The following CHRM3 variants were observed in gnomAD, a reference collection of about 807,000 sequenced individuals.
The protein encoded by CHRM3 is cholinergic receptor muscarinic 3.
Under a neutral mutation model 41.8 loss-of-function variants are expected in CHRM3, and 11 were observed. The ratio of observed to expected loss-of-function variants is 0.26; its 90% CI spans 0.17 to 0.44. The LOEUF (loss-of-function observed/expected upper bound fraction) is 0.44. Ranked by LOEUF, CHRM3 falls within the 20% of genes least tolerant of loss-of-function variation. CHRM3 has a pLI of 1.00. For synonymous variants in CHRM3, 297 were observed against 301.4 expected (o/e 0.99, Z 0.15); for missense variants, 571 against 745.4 (o/e 0.77, Z 2.72).
chr1:239,870,384 G>A (rs1321388379), intron 6 of CHRM3, among the ~76,000 whole-genome samples: 1 of 152,134 alleles, frequency 6.6e-6, no homozygotes, highest in African/African-American at 2.4e-5. Context: ...AGTTTCCTGT[G>A]CAGGCCTTCA....
intron 6 of CHRM3, among the ~76,000 whole-genome samples, chr1:239,853,871 C>T (rs1279098429): frequency 2.0e-5 from 3 of 152,016 alleles, no homozygotes; most frequent in African/African-American, 7.2e-5. Flanking sequence ...TGTTTCTATC[C>T]TTTTCGTAGT....
intron 3 of CHRM3, among the ~76,000 whole-genome samples, chr1:239,575,543 T>C (rs1181308005): frequency 1.3e-5 from 2 of 152,152 alleles, no homozygotes; most frequent in Admixed American, 6.5e-5. Flanking sequence ...TTCTCCTAGG[T>C]TGAGCCAGTT....
intron 1 of CHRM3, among the ~76,000 whole-genome samples, chr1:239,391,502 G>A (rs1240669983): frequency 6.6e-6 from 1 of 152,136 alleles, no homozygotes; most frequent in Non-Finnish European, 1.5e-5. Flanking sequence ...GCCTCTGGCA[G>A]GCTCTCTCTT....
intron 3 of CHRM3, among the ~76,000 whole-genome samples, chr1:239,551,057 A>T (rs1426738337): frequency 6.6e-6 from 1 of 150,792 alleles, no homozygotes; most frequent in Non-Finnish European, 1.5e-5. Context: ...ATGCTATATA[A>T]TTTATATATA....
intron 5 of CHRM3, among the ~76,000 whole-genome samples, chr1:239,705,995 AG>A (rs1295488116): frequency 1.3e-5 from 2 of 151,266 alleles, no homozygotes; most frequent in East Asian, 3.9e-4. Context: ...AAGTCTGATA[AG>A]GAGCTTGGAT....
intron 6 of CHRM3, among the ~76,000 whole-genome samples, chr1:239,887,916 A>G (rs1422552877): frequency 2.6e-5 from 4 of 152,212 alleles, no homozygotes; most frequent in Non-Finnish European, 5.9e-5. Context: ...TATAAGCTTC[A>G]GTTTCCACAA....
At chr1:239,498,165 G>T (rs889671006) in intron 2 of CHRM3, among the ~76,000 whole-genome samples, 1 of 152,054 alleles carries the variant, frequency 6.6e-6, no homozygotes, top group Non-Finnish European at 1.5e-5. Flanking sequence ...TTATATATTT[G>T]CTTTATTCAA....
rs563674772 is a variant in CHRM3, at chr1:239,401,067, AG to A, written c.-521+13841del. On this transcript the variant is annotated intron_variant, in intron 1 of 6. Coordinates refer to ENST00000676153, the MANE Select transcript of CHRM3 (RefSeq NM_001375978.1). Reference sequence around the variant, plus strand: ...ACAACCCAAGGGTCTAGGCTTGAAAAGAAAATCAAAGTTGATTCTGGGAGGG... The same window carrying A: ...ACAACCCAAGGGTCTAGGCTTGAAAAAAAATCAAAGTTGATTCTGGGAGGG... Among the ~76,000 whole-genome samples, 334 of 152,290 alleles carry A rather than the reference AG, an allele frequency of 2.2e-3. 1 individual carries two copies. The highest frequency in any genetic ancestry group is 4.1e-3 in the Non-Finnish European group (278 of 68,016).
chr1:239,576,216 T>C (rs1662318883), intron 3 of CHRM3, among the ~76,000 whole-genome samples: 1 of 152,138 alleles, frequency 6.6e-6, no homozygotes, highest in Admixed American at 6.5e-5. Flanking sequence ...CCAGTCATCC[T>C]GTGAGGCTAG....
intron 1 of CHRM3, among the ~76,000 whole-genome samples, chr1:239,405,822 C>A (rs1660549985): frequency 6.6e-6 from 1 of 152,012 alleles, no homozygotes; most frequent in Non-Finnish European, 1.5e-5. Flanking sequence ...TATGACCATT[C>A]TTTTACTCCT....
At chr1:239,660,552 T>C (rs1208962029) in intron 4 of CHRM3, among the ~76,000 whole-genome samples, 1 of 152,080 alleles carries the variant, frequency 6.6e-6, no homozygotes, top group Non-Finnish European at 1.5e-5. Context: ...CAGACAAGTA[T>C]GAAAGATGGA....
At chr1:239,849,753 T>A (rs1212220820) in intron 6 of CHRM3, among the ~76,000 whole-genome samples, 2 of 152,036 alleles carry the variant, frequency 1.3e-5, no homozygotes, top group East Asian at 3.9e-4. Context: ...GCCTTTAAAA[T>A]GAGATAATAA....
At chr1:239,684,636 G>A (rs1252145136) in intron 5 of CHRM3, among the ~76,000 whole-genome samples, 2 of 149,416 alleles carry the variant, frequency 1.3e-5, no homozygotes, top group Non-Finnish European at 3.0e-5. Context: ...GGGCAACAGA[G>A]CGAGATTCCG....
chr1:239,592,760 TG>T (rs1434176910), intron 3 of CHRM3, among the ~76,000 whole-genome samples: 1 of 152,178 alleles, frequency 6.6e-6, no homozygotes, highest in African/African-American at 2.4e-5. Flanking sequence ...GTTTCCACTT[TG>T]GGACTATTTT....
At chr1:239,704,491 C>T (rs1660961307) in intron 5 of CHRM3, 1 of 152,076 alleles carries the variant, frequency 6.6e-6, no homozygotes, top group Admixed American at 6.6e-5. Context: ...AATATATGTA[C>T]ATTTTAGTTT....
At chr1:239,393,038 T>C (rs1659176751) in intron 1 of CHRM3, among the ~76,000 whole-genome samples, 1 of 152,136 alleles carries the variant, frequency 6.6e-6, no homozygotes, top group African/African-American at 2.4e-5. Flanking sequence ...CATACACCTG[T>C]AGTCCCAGGT....
chr1:239,543,004 A>G (rs1323882109), intron 2 of CHRM3, among the ~76,000 whole-genome samples: 1 of 152,114 alleles, frequency 6.6e-6, no homozygotes, highest in South Asian at 2.1e-4. Flanking sequence ...TTGCCCTTAA[A>G]TGGGGGCGAA....
chr1:239,409,457 T>C (rs1660897808), intron 1 of CHRM3, among the ~76,000 whole-genome samples: 1 of 152,194 alleles, frequency 6.6e-6, no homozygotes, highest in Non-Finnish European at 1.5e-5. Context: ...TATGAACTAT[T>C]TGGACAGGGC....
chr1:239,667,858 C>G (rs1447315441), intron 4 of CHRM3, among the ~76,000 whole-genome samples: 1 of 152,122 alleles, frequency 6.6e-6, no homozygotes, highest in Admixed American at 6.5e-5. Context: ...CTGATAGGAA[C>G]AGAATCATCC....
Sources: allele counts gnomAD v4.1 joint callset (sites outside exome capture counted in the v4.1 genomes callset), GRCh38; gene constraint gnomAD v4.1.1; transcripts MANE v1.5; gene names NCBI Gene and HGNC (gene_info 2026-07-23, HGNC 2026-07-21).